The following CEP112 variants were observed in gnomAD, a reference collection of about 807,000 sequenced individuals.
CEP112 encodes centrosomal protein of 112 kDa.
CEP112 carries 127 observed loss-of-function variants against 153.0 expected under a neutral mutation model. That is an observed-to-expected ratio of 0.83 (90% CI 0.72 to 0.96). CEP112 has a LOEUF of 0.96. CEP112 is among the 40% of genes least tolerant of loss of function. The probability of loss-of-function intolerance (pLI) is 0.00; values close to 1 mark genes in which losing one functional copy is unlikely to be tolerated. For missense variants in CEP112, 1,089 were observed against 1,101.2 expected (o/e 0.99, Z 0.16); for synonymous variants, 358 against 374.4 (o/e 0.96, Z 0.51).
At chr17:65,772,509 T>C (rs2053419010) in intron 21 of CEP112, among the ~76,000 whole-genome samples, 1 of 151,942 alleles carries the variant, frequency 6.6e-6, no homozygotes, top group Non-Finnish European at 1.5e-5. Context: ...TGGATAAATC[T>C]CTTAAGTGTT....
chr17:65,950,595 T>C (rs888910558), intron 18 of CEP112, among the ~76,000 whole-genome samples: 1 of 152,114 alleles, frequency 6.6e-6, no homozygotes. Context: ...TTAAATCATG[T>C]ATTAGTTCTA....
chr17:66,060,116 C>A (rs2066866056), intron 11 of CEP112, among the ~76,000 whole-genome samples: 1 of 151,988 alleles, frequency 6.6e-6, no homozygotes, highest in African/African-American at 2.4e-5. Context: ...AAAACAGGAA[C>A]AATAGACACT....
intron 6 of CEP112, among the ~76,000 whole-genome samples, chr17:66,097,489 T>C (rs2068396802): frequency 6.6e-6 from 1 of 152,144 alleles, no homozygotes; most frequent in East Asian, 1.9e-4. Flanking sequence ...CCAATTAATA[T>C]TTCTTCAGAA....
chr17:65,878,217 A>G (rs960229234), intron 20 of CEP112, among the ~76,000 whole-genome samples: 2 of 152,072 alleles, frequency 1.3e-5, no homozygotes, highest in Non-Finnish European at 2.9e-5. Context: ...GAAGGAAGGG[A>G]GGGAGGGAAG....
At chr17:66,137,401 G>C (rs2070484882) in intron 4 of CEP112, among the ~76,000 whole-genome samples, 1 of 151,776 alleles carries the variant, frequency 6.6e-6, no homozygotes, top group South Asian at 2.1e-4. Flanking sequence ...AGAAGAGAGA[G>C]AAAAGCAGTA....
intron 4 of CEP112, among the ~76,000 whole-genome samples, chr17:66,144,043 A>T (rs1169156103): frequency 6.6e-6 from 1 of 152,202 alleles, no homozygotes; most frequent in East Asian, 1.9e-4. Context: ...TCACAGGTTC[A>T]GGCTGAAAGA....
chr17:65,854,835 C>T (rs979299340), intron 20 of CEP112, among the ~76,000 whole-genome samples: 4 of 152,058 alleles, frequency 2.6e-5, no homozygotes, highest in Non-Finnish European at 5.9e-5. Context: ...TATAATGATT[C>T]TTTTGAACCC....
chr17:65,690,973 T>C (rs909129950), intron 23 of CEP112, among the ~76,000 whole-genome samples: 1 of 151,852 alleles, frequency 6.6e-6, no homozygotes, highest in African/African-American at 2.4e-5. Flanking sequence ...GAGGCCACTG[T>C]AACACCAGGA....
chr17:65,771,690 AAAG>A (rs1442636222), intron 21 of CEP112, among the ~76,000 whole-genome samples: 1 of 152,186 alleles, frequency 6.6e-6, no homozygotes, highest in Non-Finnish European at 1.5e-5. Context: ...TTGTAAAGTA[AAAG>A]ATAGACATAT....
chr17:66,025,642 C>T (rs1017325938), intron 16 of CEP112, among the ~76,000 whole-genome samples: 1 of 151,776 alleles, frequency 6.6e-6, no homozygotes, highest in South Asian at 2.1e-4. Flanking sequence ...ATTAACAAGT[C>T]AAAAAATAAC....
At position 65,745,338 on chromosome 17, in the gene CEP112, A is replaced by T. The variant is rs114486385; in HGVS notation, c.2458-2121T>A. Among the ~76,000 whole-genome samples the T allele has an allele frequency of 9.6e-3, 1,463 of 152,324 alleles. 25 individuals carry two copies. Among genetic ancestry groups the T allele is most frequent in the African/African-American group, 0.033 (1,391 of 41,574 alleles). ...GAAGATGTTTTCATCCATTTTCTGA[A>T]TTTTGATTAAATATTGTTTCCATTC... is the stretch of plus-strand genomic sequence containing the variant. On this transcript the variant is annotated intron_variant, in intron 22 of 26. Coordinates refer to ENST00000535342, the MANE Select transcript of CEP112 (RefSeq NM_001199165.4).
chr17:65,891,387 A>C (rs764068392), intron 20 of CEP112, among the ~76,000 whole-genome samples: 5 of 152,152 alleles, frequency 3.3e-5, no homozygotes, highest in Non-Finnish European at 7.4e-5. Context: ...CTGGATGTTT[A>C]ACATGCAGCT....
intron 17 of CEP112, among the ~76,000 whole-genome samples, chr17:65,984,298 A>G (rs1295833363): frequency 1.3e-5 from 2 of 152,232 alleles, no homozygotes; most frequent in Non-Finnish European, 2.9e-5. Context: ...ATAACCAATC[A>G]GTTCCACTTG....
intron 23 of CEP112, among the ~76,000 whole-genome samples, chr17:65,722,607 T>C (rs1598400714): frequency 1.3e-5 from 2 of 152,322 alleles, no homozygotes; most frequent in South Asian, 4.1e-4. Flanking sequence ...ATCAATGAAA[T>C]AACATGGAAT....
intron 24 of CEP112, among the ~76,000 whole-genome samples, chr17:65,649,937 G>A (rs2045649227): frequency 6.6e-6 from 1 of 152,018 alleles, no homozygotes; most frequent in African/African-American, 2.4e-5. Flanking sequence ...TGTTGGTTTT[G>A]CTTTTCAAGC....
intron 24 of CEP112, among the ~76,000 whole-genome samples, chr17:65,657,705 T>C (rs2046129989): frequency 6.6e-6 from 1 of 152,168 alleles, no homozygotes; most frequent in African/African-American, 2.4e-5. Flanking sequence ...AAAGGGTAGG[T>C]GAGACTCTTG....
At chr17:65,937,572 G>GGT (rs2061371888) in intron 18 of CEP112, among the ~76,000 whole-genome samples, 1 of 106,416 alleles carries the variant, frequency 9.4e-6, no homozygotes, top group African/African-American at 3.3e-5. Flanking sequence ...GAGGTGGGGG[G>GGT]GGTCAGCCCC....
At chr17:65,668,645 C>T (rs2046818383) in intron 24 of CEP112, among the ~76,000 whole-genome samples, 1 of 152,194 alleles carries the variant, frequency 6.6e-6, no homozygotes, top group Non-Finnish European at 1.5e-5. Flanking sequence ...CTCACAACAG[C>T]ACCAAGTTGA....
At chr17:65,640,037 C>A (rs2045025207) in intron 25 of CEP112, among the ~76,000 whole-genome samples, 1 of 149,622 alleles carries the variant, frequency 6.7e-6, no homozygotes, top group African/African-American at 2.5e-5. Flanking sequence ...GGGGTTTCAC[C>A]ACGTTGGCCA....
Sources: allele counts gnomAD v4.1 joint callset (sites outside exome capture counted in the v4.1 genomes callset), GRCh38; gene constraint gnomAD v4.1.1; transcripts MANE v1.5; gene names NCBI Gene and HGNC (gene_info 2026-07-23, HGNC 2026-07-21).